WWOX: variants seen among roughly 807,000 people sequenced by gnomAD.
The protein encoded by WWOX is WW domain containing oxidoreductase.
A neutral mutation model predicts 46.2 loss-of-function variants in WWOX; 69 were observed. The ratio of observed to expected loss-of-function variants is 1.49; its 90% confidence interval spans 1.23 to 1.82. The LOEUF (loss-of-function observed/expected upper bound fraction) is 1.82. WWOX is among the 40% of genes most tolerant of loss of function. The probability of loss-of-function intolerance (pLI) is 0.00; values close to 1 mark genes in which losing one functional copy is unlikely to be tolerated. For synonymous variants in WWOX, 359 were observed against 202.6 expected (o/e 1.77, Z -6.56); for missense variants, 919 against 542.6 (o/e 1.69, Z -6.89).
intron 4 of WWOX, among the ~76,000 whole-genome samples, chr16:78,119,924 G>A (rs976723580): frequency 6.6e-6 from 1 of 152,076 alleles, no homozygotes; most frequent in Non-Finnish European, 1.5e-5. Flanking sequence ...CTTTCACCTT[G>A]CGAACCTTTA....
At chr16:78,464,630 C>G (rs984573024) in intron 8 of WWOX, among the ~76,000 whole-genome samples, 7 of 152,172 alleles carry the variant, frequency 4.6e-5, no homozygotes, top group African/African-American at 1.7e-4. Flanking sequence ...GAAGGCAGAT[C>G]TGTCTGCTTT....
intron 8 of WWOX, among the ~76,000 whole-genome samples, chr16:79,052,865 G>A (rs1040345481): frequency 1.3e-5 from 2 of 151,636 alleles, no homozygotes; most frequent in Non-Finnish European, 1.5e-5. Flanking sequence ...TTAAGAAGTG[G>A]ATGGCAAGAA....
At chr16:78,611,838 G>C (rs1279622973) in intron 8 of WWOX, among the ~76,000 whole-genome samples, 1 of 152,170 alleles carries the variant, frequency 6.6e-6, no homozygotes, top group Non-Finnish European at 1.5e-5. Flanking sequence ...TGAGACCAAA[G>C]GATCTTAAAG....
intron 8 of WWOX, among the ~76,000 whole-genome samples, chr16:78,678,476 C>G (rs944133377): frequency 3.3e-5 from 5 of 152,148 alleles, no homozygotes; most frequent in Non-Finnish European, 5.9e-5. Flanking sequence ...ATTTGAGCAC[C>G]TGTTTGTTCA....
At chr16:78,640,448 G>C (rs1366445472) in intron 8 of WWOX, among the ~76,000 whole-genome samples, 1 of 151,978 alleles carries the variant, frequency 6.6e-6, no homozygotes, top group Non-Finnish European at 1.5e-5. Flanking sequence ...TCCACATTCT[G>C]CACCTCCCAG....
At chr16:78,502,996 G>A (rs531721527) in intron 8 of WWOX, among the ~76,000 whole-genome samples, 3 of 152,272 alleles carry the variant, frequency 2.0e-5, no homozygotes, top group South Asian at 4.1e-4. Flanking sequence ...ACACAGCCTC[G>A]GCAGTGTTTG....
intron 8 of WWOX, among the ~76,000 whole-genome samples, chr16:78,882,144 C>T (rs746060266): frequency 1.3e-5 from 2 of 152,058 alleles, no homozygotes; most frequent in South Asian, 4.2e-4. Flanking sequence ...AAACAAAGAA[C>T]TGACAATAAA....
chr16:78,410,114 C>G (rs1388751376), intron 6 of WWOX, among the ~76,000 whole-genome samples: 1 of 152,144 alleles, frequency 6.6e-6, no homozygotes, highest in African/African-American at 2.4e-5. Context: ...ACCTTCCTTC[C>G]TCTGTTGCTC....
intron 8 of WWOX, among the ~76,000 whole-genome samples, chr16:79,011,463 A>T (rs572141153): frequency 5.8e-4 from 45 of 77,888 alleles, no homozygotes; most frequent in Admixed American, 1.7e-3. Context: ...TTTTTATTTT[A>T]TTTATTTATT....
chr16:78,506,132 T>G (rs2085197585), intron 8 of WWOX, among the ~76,000 whole-genome samples: 1 of 151,746 alleles, frequency 6.6e-6, no homozygotes, highest in East Asian at 1.9e-4. Flanking sequence ...AGGCTTCGAG[T>G]TTTTTGGGTA....
intron 8 of WWOX, among the ~76,000 whole-genome samples, chr16:78,562,168 C>G (rs1162087381): frequency 6.6e-6 from 1 of 152,156 alleles, no homozygotes; most frequent in East Asian, 1.9e-4. Context: ...CTGGAAATCT[C>G]TAGCTTCTCA....
chr16:78,626,360 C>G (rs1036405475), intron 8 of WWOX, among the ~76,000 whole-genome samples: 1 of 152,132 alleles, frequency 6.6e-6, no homozygotes, highest in Non-Finnish European at 1.5e-5. Context: ...TTGGCTGTGA[C>G]AGTTTCTCAG....
At chr16:79,158,347 G>A (rs1352407872) in intron 8 of WWOX, among the ~76,000 whole-genome samples, 2 of 152,150 alleles carry the variant, frequency 1.3e-5, no homozygotes, top group Non-Finnish European at 1.5e-5. Context: ...ATCACACGTT[G>A]GACAGGAGAC....
chr16:78,391,872 C>T (rs1409296394), intron 6 of WWOX, among the ~76,000 whole-genome samples: 4 of 152,092 alleles, frequency 2.6e-5, no homozygotes, highest in African/African-American at 2.4e-5. Flanking sequence ...TAAAAAACAA[C>T]GTAAAACAAG....
intron 8 of WWOX, among the ~76,000 whole-genome samples, chr16:79,045,273 T>C (rs757411014): frequency 1.3e-5 from 2 of 152,220 alleles, no homozygotes; most frequent in Non-Finnish European, 2.9e-5. Flanking sequence ...ATATGCAGCC[T>C]CTGGGATTCA....
intron 8 of WWOX, among the ~76,000 whole-genome samples, chr16:79,044,149 A>G (rs1308482163): frequency 1.3e-5 from 2 of 152,220 alleles, no homozygotes; most frequent in African/African-American, 4.8e-5. Flanking sequence ...GGAATCCCAA[A>G]CAGCAAATGT....
At chr16:79,113,556 AC>A (rs1464295018) in intron 8 of WWOX, among the ~76,000 whole-genome samples, 1 of 152,246 alleles carries the variant, frequency 6.6e-6, no homozygotes, top group African/African-American at 2.4e-5. Flanking sequence ...TATAGGGCAA[AC>A]TTAGGCTTAC....
chr16:78,598,695 C>A (rs577400854), intron 8 of WWOX, among the ~76,000 whole-genome samples: 2 of 152,124 alleles, frequency 1.3e-5, no homozygotes, highest in Non-Finnish European at 2.9e-5. Context: ...GCATCTCTCC[C>A]CTTAAATGCA....
At chr16:78,464,819 A>G (rs1188454451) in intron 8 of WWOX, among the ~76,000 whole-genome samples, 3 of 152,180 alleles carry the variant, frequency 2.0e-5, no homozygotes, top group Non-Finnish European at 4.4e-5. Context: ...TAGACCCTCA[A>G]TAAGGAGAAT....
Sources: gnomAD v4.1 joint callset for allele counts (sites outside exome capture counted in the v4.1 genomes callset) on GRCh38, gnomAD v4.1.1 for gene constraint, MANE v1.5 for transcripts, NCBI Gene and HGNC (gene_info 2026-07-23, HGNC 2026-07-21) for gene names.